Variants in FAXC observed in about 807,000 individuals in gnomAD.
FAXC encodes the protein failed axon connections homolog, metaxin like GST domain containing.
A neutral mutation model predicts 41.9 loss-of-function variants in FAXC; 10 were observed. The ratio of observed to expected loss-of-function variants is 0.24; its 90% confidence interval spans 0.15 to 0.41. FAXC has a LOEUF of 0.41. Among genes scored for constraint, FAXC ranks in the 10% least tolerant of loss-of-function variants. The pLI is 1.00. For synonymous variants in FAXC, 183 were observed against 183.8 expected (o/e 1.00, Z 0.03); for missense variants, 399 against 510.9 (o/e 0.78, Z 2.11).
intron 4 of FAXC, among the ~76,000 whole-genome samples, chr6:99,295,770 G>A (rs999350597): frequency 3.9e-5 from 6 of 152,166 alleles, no homozygotes; most frequent in Non-Finnish European, 7.3e-5. Context: ...GTAACCATGT[G>A]GTAAAGGTGG....
At chr6:99,333,266 T>G in intron 3 of FAXC, 85 bp downstream of exon 3, 1 of 1,193,818 alleles carries the variant, frequency 8.4e-7, no homozygotes, top group Non-Finnish European at 1.2e-6. Context: ...AGAAAACTGC[T>G]GAAACGGTGG....
chr6:99,289,288 G>A (rs1771141762), intron 5 of FAXC, among the ~76,000 whole-genome samples: 1 of 152,130 alleles, frequency 6.6e-6, no homozygotes. Context: ...CAGAGGCCCT[G>A]GCTGCCACAT....
At chr6:99,327,809 A>C (rs1772871148) in intron 3 of FAXC, among the ~76,000 whole-genome samples, 1 of 152,066 alleles carries the variant, frequency 6.6e-6, no homozygotes, top group Non-Finnish European at 1.5e-5. Context: ...GTTTTTCTTC[A>C]CTGACCCCTC....
At chr6:99,328,685 T>A (rs1463068089) in intron 3 of FAXC, among the ~76,000 whole-genome samples, 3 of 152,152 alleles carry the variant, frequency 2.0e-5, no homozygotes, top group African/African-American at 7.2e-5. Flanking sequence ...TTGGATTCCG[T>A]TTTGACAATA....
In FAXC at chr6:99,328,859, C is replaced by G. The variant is rs74817214; in HGVS notation, c.599+4492G>C. ...ATACATACCATCCTGGCCACTAACA[C>G]TCATTCATTAAGTTTGCAGAAATAA... On this transcript the variant is annotated intron_variant, in intron 3 of 5. Transcript: ENST00000389677. Among the ~76,000 whole-genome samples, 1,420 of 152,306 alleles carry G rather than the reference C, an allele frequency of 9.3e-3. 30 individuals carry two copies. The highest frequency in any genetic ancestry group is 0.031 in the African/African-American group (1,286 of 41,572).
Position 99,276,124 on chromosome 6 carries a change from AC to A in FAXC, c.*5039del, listed in dbSNP as rs1770602481. ...AAAGGATCCTGGGTCATAGTCAGGAACAATAAAATAACATACTCTGTTTAAA... is the reference window on the plus strand; with the variant it reads ...AAAGGATCCTGGGTCATAGTCAGGAAAATAAAATAACATACTCTGTTTAAA... On this transcript the variant is annotated 3_prime_UTR_variant, in exon 6 of 6. Coordinates refer to ENST00000389677, the MANE Select transcript of FAXC (RefSeq NM_032511.4). The A allele has an allele frequency of 6.6e-6, 1 of 151,210 alleles. No individual in the cohort carries two copies. Among genetic ancestry groups the A allele is most frequent in the South Asian group, 2.1e-4 (1 of 4,764 alleles). 9.4% of individuals were successfully genotyped at this position (151,210 alleles called of 1,614,324 possible).
intron 4 of FAXC, among the ~76,000 whole-genome samples, chr6:99,317,074 G>C (rs1291025372): frequency 6.6e-6 from 1 of 151,914 alleles, no homozygotes; most frequent in Non-Finnish European, 1.5e-5. Flanking sequence ...GAAAAATAAT[G>C]ACTCCGCAAG....
At chr6:99,340,819 C>A (rs1166069829) in intron 2 of FAXC, among the ~76,000 whole-genome samples, 2 of 151,856 alleles carry the variant, frequency 1.3e-5, no homozygotes, top group Non-Finnish European at 2.9e-5. Context: ...CAGGTACACA[C>A]CACCACACCT....
intron 5 of FAXC, among the ~76,000 whole-genome samples, chr6:99,290,083 T>G (rs893277055): frequency 4.2e-4 from 60 of 141,324 alleles, no homozygotes; most frequent in African/African-American, 1.5e-3. Flanking sequence ...CATCTGTATA[T>G]CCCACCACCC....
intron 4 of FAXC, among the ~76,000 whole-genome samples, chr6:99,301,960 G>A (rs541931381): frequency 6.6e-6 from 1 of 152,314 alleles, no homozygotes; most frequent in East Asian, 1.9e-4. Context: ...TTGCAGCTTA[G>A]CAACAGACAT....
chr6:99,318,075 G>A (rs930391718), intron 4 of FAXC, among the ~76,000 whole-genome samples: 6 of 152,094 alleles, frequency 3.9e-5, no homozygotes, highest in African/African-American at 7.2e-5. Flanking sequence ...TGGCTAACAC[G>A]GTGAAAGCCC....
chr6:99,334,059 T>C (rs1773127576), intron 2 of FAXC, among the ~76,000 whole-genome samples: 1 of 152,198 alleles, frequency 6.6e-6, no homozygotes, highest in Admixed American at 6.5e-5. Context: ...TGCTTAGGTG[T>C]AGCAAAGTAT....
intron 5 of FAXC, among the ~76,000 whole-genome samples, chr6:99,284,924 A>G (rs955360519): frequency 6.6e-6 from 1 of 151,996 alleles, no homozygotes; most frequent in African/African-American, 2.4e-5. Context: ...CAAAAAAAAA[A>G]AAAGCCTATA....
At chr6:99,287,628 G>C (rs1046552489) in intron 5 of FAXC, among the ~76,000 whole-genome samples, 1 of 152,098 alleles carries the variant, frequency 6.6e-6, no homozygotes, top group Non-Finnish European at 1.5e-5. Flanking sequence ...CAAGGCCAGT[G>C]GTGCTTCTGC....
intron 1 of FAXC, among the ~76,000 whole-genome samples, chr6:99,348,501 A>G (rs1773676704): frequency 6.6e-6 from 1 of 152,124 alleles, no homozygotes; most frequent in Admixed American, 6.5e-5. Flanking sequence ...AGCCTGTCCT[A>G]CTGCTCACAC....
At chr6:99,332,064 T>C (rs1417403947) in intron 3 of FAXC, among the ~76,000 whole-genome samples, 1 of 152,118 alleles carries the variant, frequency 6.6e-6, no homozygotes, top group Non-Finnish European at 1.5e-5. Flanking sequence ...CCCAGCCCCC[T>C]CCTTGCTGCC....
chr6:99,348,877 T>A (rs1773687938), intron 1 of FAXC, among the ~76,000 whole-genome samples: 1 of 152,250 alleles, frequency 6.6e-6, no homozygotes, highest in Non-Finnish European at 1.5e-5. Flanking sequence ...CCAGAGCATT[T>A]TGGGAGACAA....
Position 99,349,290 on chromosome 6 carries a change from C to A in FAXC, c.83G>T (p.Trp28Leu), listed in dbSNP as rs747681242. The change falls in exon 1 of 6, where the codon TGG becomes TTG. Residue 28 changes from tryptophan (W) to leucine (L), a missense_variant. This residue lies in a region of FAXC where 68 missense variants were observed against 63.4 expected (regional missense o/e 1.07). Transcript: ENST00000389677. ...SWNQSISFFG[W>L]WAGSEEPFSF... ...GAAGGGCTCCTCGGACCCGGCCCAC[C>A]AGCCGAAGAAGGAGATGCTCTGGTT... The A allele has an allele frequency of 1.2e-6, 2 of 1,613,356 alleles. No individual in the cohort carries two copies. Among genetic ancestry groups the A allele is most frequent in the Non-Finnish European group, 1.7e-6 (2 of 1,179,998 alleles).
At chr6:99,295,121 G>A (rs1423351525) in intron 4 of FAXC, among the ~76,000 whole-genome samples, 1 of 152,188 alleles carries the variant, frequency 6.6e-6, no homozygotes, top group East Asian at 1.9e-4. Context: ...AAAGGGAAAA[G>A]AGAACAGAAA....
Sources: gnomAD v4.1 joint callset for allele counts (sites outside exome capture counted in the v4.1 genomes callset) on GRCh38, gnomAD v4.1.1 for gene constraint, gnomAD v4.1.1 regional missense constraint, MANE v1.5 for transcripts, NCBI Gene and HGNC (gene_info 2026-07-23, HGNC 2026-07-21) for gene names.